The following ADCY3 variants were observed in gnomAD, a reference collection of about 807,000 sequenced individuals.
The protein encoded by ADCY3 is adenylate cyclase 3.
Under a neutral mutation model 119.4 loss-of-function variants are expected in ADCY3, and 70 were observed. The observed-to-expected ratio is 0.59, with a 90% confidence interval of 0.48 to 0.72. ADCY3 has a LOEUF of 0.72. ADCY3 is among the 30% of genes least tolerant of loss of function. The probability of loss-of-function intolerance (pLI) is 0.00; values close to 1 mark genes in which losing one functional copy is unlikely to be tolerated. For synonymous variants in ADCY3, 672 were observed against 621.4 expected, an observed-to-expected ratio of 1.08 and a Z score of -1.21; for missense variants, 1,238 against 1,541.6, an observed-to-expected ratio of 0.80 and a Z score of 3.30.
intron 20 of ADCY3, chr2:24,821,071 C>G: frequency 3.3e-6 from 2 of 602,840 alleles, no homozygotes; most frequent in Non-Finnish European, 2.8e-6. Flanking sequence ...TGCAGATTTA[C>G]TCGGCATGGT....
chr2:24,850,508 GC>G (rs1476941122), intron 3 of ADCY3, among the ~76,000 whole-genome samples: 1 of 152,260 alleles, frequency 6.6e-6, no homozygotes, highest in East Asian at 1.9e-4. Flanking sequence ...ATTGCTCAGG[GC>G]CCCAGGGATG....
At chr2:24,825,334 CGG>C (rs768838126) in intron 16 of ADCY3, among the ~76,000 whole-genome samples, 88 of 81,438 alleles carry the variant, frequency 1.1e-3, no homozygotes, top group African/African-American at 5.2e-3. Context: ...GTGGTTGTGG[CGG>C]GGGGGGGGGG....
chr2:24,825,524 C>T (rs2148405227), intron 16 of ADCY3: 1 of 155,500 alleles, frequency 6.4e-6, no homozygotes, highest in East Asian at 1.9e-4. Context: ...TTAGTAGAGA[C>T]AGGGTTTCAC....
At chr2:24,848,647 G>A (rs1416818568) in intron 3 of ADCY3, among the ~76,000 whole-genome samples, 1 of 152,136 alleles carries the variant, frequency 6.6e-6, no homozygotes, top group Non-Finnish European at 1.5e-5. Flanking sequence ...TTCATTGCCG[G>A]CAAGCACTTA....
At chr2:24,857,800 T>C (rs1673188624) in intron 3 of ADCY3, among the ~76,000 whole-genome samples, 1 of 152,132 alleles carries the variant, frequency 6.6e-6, no homozygotes, top group South Asian at 2.1e-4. Context: ...AAGAAAATTA[T>C]ACCGACAAAA....
intron 2 of ADCY3, among the ~76,000 whole-genome samples, chr2:24,873,933 T>G (rs548807741): frequency 6.6e-6 from 1 of 152,314 alleles, no homozygotes; most frequent in South Asian, 2.1e-4. Flanking sequence ...CCTCAGGGGA[T>G]AAAAGATTGG....
rs981699704 is a variant in ADCY3, at chr2:24,838,455, A to T, written c.1523T>A (p.Leu508His). ...EVKKTATQNG[L>H]NGSALPNGAP... ...GGGTGGGGAACTCACCGAGCCATTG[A>T]GGCCATTCTGGGTGGCTGTTTTCTT... The change falls in exon 8 of 22, where the codon CTC (leucine) becomes CAC (histidine). Residue 508 changes from leucine (L) to histidine (H), a missense_variant. Physicochemically the swap from Leu to His is moderately conservative, Grantham distance 99 (BLOSUM62 -3). Coordinates refer to ENST00000679454, the MANE Select transcript of ADCY3 (RefSeq NM_004036.5). 1 of 1,612,548 alleles carries T rather than the reference A, an allele frequency of 6.2e-7. No individual in the cohort carries two copies.
intron 17 of ADCY3, 28 bp downstream of exon 17, chr2:24,824,350 G>A (rs952191315): frequency 6.8e-6 from 11 of 1,608,950 alleles, no homozygotes; most frequent in East Asian, 2.2e-5. Flanking sequence ...ATGGCCTCAT[G>A]GTTCCGGGCT....
At chr2:24,829,459 G>C (rs1183289361) in intron 13 of ADCY3, among the ~76,000 whole-genome samples, 1 of 104,106 alleles carries the variant, frequency 9.6e-6, no homozygotes, top group Non-Finnish European at 1.8e-5. Flanking sequence ...GTCTCACTCT[G>C]TTGCCAGGCT....
chr2:24,889,810 T>C (rs895237816), intron 2 of ADCY3, among the ~76,000 whole-genome samples: 1 of 152,258 alleles, frequency 6.6e-6, no homozygotes, highest in Non-Finnish European at 1.5e-5. Context: ...CACTCCAGCC[T>C]GGGCAGCAAG....
chr2:24,860,399 A>T (rs1275216803), intron 3 of ADCY3, among the ~76,000 whole-genome samples: 1 of 152,240 alleles, frequency 6.6e-6, no homozygotes, highest in East Asian at 1.9e-4. Context: ...GCCCCGCACC[A>T]CAGGGAAGCG....
Position 24,819,851 on chromosome 2 carries a change from A to C in ADCY3, c.*81T>G, listed in dbSNP as rs1667277140. ...CTAAAGTCCATGAGTGTGCACTTCAATCCAGGAAGGTCGGGACTTCCTTCA... is the reference window on the plus strand; with the variant it reads ...CTAAAGTCCATGAGTGTGCACTTCACTCCAGGAAGGTCGGGACTTCCTTCA... On this transcript the variant is annotated 3_prime_UTR_variant, in exon 22 of 22. Coordinates refer to ENST00000679454, the MANE Select transcript of ADCY3 (RefSeq NM_004036.5). 6.8e-7 allele frequency: 1 copy of C among 1,460,144 alleles called. No homozygotes were observed. 90.4% of individuals were successfully genotyped at this position (1,460,144 alleles called of 1,614,324 possible).
At position 24,824,371 on chromosome 2, in the gene ADCY3, C is replaced by T; in HGVS notation, c.2736+7G>A. 2 of 1,613,760 alleles carry T rather than the reference C, an allele frequency of 1.2e-6. No individual in the cohort carries two copies. The highest frequency in any genetic ancestry group is 1.7e-6 in the Non-Finnish European group (2 of 1,179,750). ...TCATGGTTCCGGGCTGAGACCACAC[C>T]CCTCACCTCATCTCTCTTCTTGGAC... On this transcript the variant is annotated splice_region_variant and intron_variant, in intron 17 of 21. Coordinates refer to ENST00000679454, the MANE Select transcript of ADCY3 (RefSeq NM_004036.5).
At position 24,841,253 on chromosome 2, in the gene ADCY3, A is replaced by T; in HGVS notation, c.1196+6T>A. 6.4e-7 allele frequency: 1 copy of T among 1,554,004 alleles called. No individual in the cohort carries two copies. Among genetic ancestry groups the T allele is most frequent in the Non-Finnish European group, 8.7e-7 (1 of 1,149,182 alleles). On this transcript the variant is annotated splice_donor_region_variant and intron_variant, in intron 6 of 21. Transcript: ENST00000679454. This position sits in a 1 kb window ranked among gnomAD's most constrained non-coding sequence, Gnocchi z 5.8. ...GGAGCCTCCCTCCCAGAGGCATCCC[A>T]CTTACGAGATGGCCTCCACCATGGC...
chr2:24,877,876 T>TG (rs1408704139), intron 2 of ADCY3: 4 of 471,036 alleles, frequency 8.5e-6, no homozygotes, highest in African/African-American at 8.0e-5. Context: ...CAGCTGTACC[T>TG]GGGAGCTGAC....
chr2:24,831,452 C>T (rs1020671794), intron 12 of ADCY3, among the ~76,000 whole-genome samples: 2 of 152,214 alleles, frequency 1.3e-5, no homozygotes, highest in African/African-American at 2.4e-5. Flanking sequence ...AGCCGTGGCC[C>T]ACCACAGCCT....
intron 3 of ADCY3, among the ~76,000 whole-genome samples, chr2:24,869,760 A>C (rs1379700042): frequency 2.0e-5 from 3 of 152,162 alleles, no homozygotes; most frequent in Non-Finnish European, 4.4e-5. Flanking sequence ...GGAATAACCC[A>C]AATTATCTTC....
intron 2 of ADCY3, among the ~76,000 whole-genome samples, chr2:24,915,047 T>C (rs1196493918): frequency 6.6e-6 from 1 of 152,182 alleles, no homozygotes; most frequent in Admixed American, 6.5e-5. Context: ...CCTTCTGTCC[T>C]TCCCCACAGA....
At chr2:24,916,278 C>T (rs1007300167) in intron 2 of ADCY3, among the ~76,000 whole-genome samples, 10 of 152,260 alleles carry the variant, frequency 6.6e-5, no homozygotes, top group African/African-American at 2.4e-4. Flanking sequence ...AGCCCTGTGG[C>T]CATACCTTCT....
Sources: allele counts gnomAD v4.1 joint callset (sites outside exome capture counted in the v4.1 genomes callset), GRCh38; gene constraint gnomAD v4.1.1; non-coding constraint Gnocchi (gnomAD v3.1); transcripts MANE v1.5; gene names NCBI Gene and HGNC (gene_info 2026-07-23, HGNC 2026-07-21).